STRN: variants seen among roughly 807,000 people sequenced by gnomAD.
STRN encodes protein phosphatase 2 regulatory subunit B'''alpha.
A neutral mutation model predicts 96.3 loss-of-function variants in STRN; 53 were observed. The observed-to-expected ratio is 0.55, with a 90% CI of 0.44 to 0.69. The LOEUF is 0.69. STRN is among the 30% of genes least tolerant of loss of function. STRN has a pLI of 0.00. For synonymous variants in STRN, 428 were observed against 355.9 expected (o/e 1.20, Z -2.28); for missense variants, 987 against 963.9 (o/e 1.02, Z -0.32).
At chr2:36,957,915 T>TA (rs1384586958) in intron 1 of STRN, among the ~76,000 whole-genome samples, 4 of 143,994 alleles carry the variant, frequency 2.8e-5, no homozygotes, top group African/African-American at 1.0e-4. Context: ...GACGCCCAGC[T>TA]AATTTTTTTT....
At chr2:36,916,041 CT>C in intron 3 of STRN, 36 bp downstream of exon 3, 1 of 1,555,888 alleles carries the variant, frequency 6.4e-7, no homozygotes, top group Non-Finnish European at 8.8e-7. Context: ...ACATTAACTT[CT>C]TTTTAACACT....
At chr2:36,896,412 A>G (rs1262622483) in intron 6 of STRN, among the ~76,000 whole-genome samples, 1 of 152,192 alleles carries the variant, frequency 6.6e-6, no homozygotes, top group Non-Finnish European at 1.5e-5. Context: ...AGAAAAATGA[A>G]TTGTGTTTAC....
At chr2:36,885,020 T>C (rs1192700860) in intron 8 of STRN, among the ~76,000 whole-genome samples, 1 of 152,136 alleles carries the variant, frequency 6.6e-6, no homozygotes, top group Admixed American at 6.5e-5. Context: ...GATGTTAAAA[T>C]TTCTCCCTTA....
intron 1 of STRN, among the ~76,000 whole-genome samples, chr2:36,961,036 AC>A (rs761150965): frequency 2.7e-5 from 4 of 149,864 alleles, no homozygotes; most frequent in Non-Finnish European, 4.4e-5. Context: ...AGCTGGGACC[AC>A]AGACGCATGC....
At chr2:36,938,837 CT>C (rs374848980) in intron 1 of STRN, among the ~76,000 whole-genome samples, 72 of 152,208 alleles carry the variant, frequency 4.7e-4, no homozygotes, top group African/African-American at 1.3e-3. Flanking sequence ...CTGAATGAAA[CT>C]TTAATTACAG....
intron 12 of STRN, among the ~76,000 whole-genome samples, chr2:36,863,620 G>A (rs980645082): frequency 6.6e-6 from 1 of 152,122 alleles, no homozygotes; most frequent in Non-Finnish European, 1.5e-5. Flanking sequence ...CTCCAGCTTT[G>A]TTCTTTTTGC....
In STRN at chr2:36,884,077, T is replaced by C; in HGVS notation, c.1043-2A>G. 1 of 1,286,144 alleles carries C rather than the reference T, an allele frequency of 7.8e-7. No individual in the cohort carries two copies. The highest frequency in any genetic ancestry group is 1.0e-6 in the Non-Finnish European group (1 of 1,002,624). The allele number at this position is 1,286,144 out of a possible 1,614,324, so 79.7% of individuals were successfully genotyped here. ...CTTGTAGTTTTGACCTATTGGGCCC[T>C]AGCCAAAAAAAGGGGGGGTGGGAGG... On this transcript the variant is annotated splice_acceptor_variant, in intron 8 of 17. Transcript: ENST00000263918. LOFTEE classifies it high-confidence loss of function.
At chr2:36,966,096 G>A in intron 1 of STRN, 134 bp downstream of exon 1, 1 of 1,051,808 alleles carries the variant, frequency 9.5e-7, no homozygotes, top group Middle Eastern at 3.3e-4. Context: ...AAGGGGACGG[G>A]GCTCCGGGTG....
intron 10 of STRN, among the ~76,000 whole-genome samples, chr2:36,871,964 G>A (rs1341824846): frequency 1.3e-5 from 2 of 152,202 alleles, no homozygotes; most frequent in African/African-American, 4.8e-5. Context: ...TGTAACTACT[G>A]GGGCTGGTTA....
At position 36,841,944 on chromosome 2, in the gene STRN, C is replaced by A. The variant is rs1667962929; in HGVS notation, c.*7512G>T. On this transcript the variant is annotated 3_prime_UTR_variant, in exon 18 of 18. Coordinates refer to ENST00000263918, the MANE Select transcript of STRN (RefSeq NM_003162.4). Reference sequence around the variant, plus strand: ...CAGGCCACAGGGTCAGTTGCTTCTCCTTTTTGGTAAGGTACTTCTTTCCCC... The same window carrying A: ...CAGGCCACAGGGTCAGTTGCTTCTCATTTTTGGTAAGGTACTTCTTTCCCC... 6.6e-6 allele frequency: 1 copy of A among 152,272 alleles called. No individual in the cohort carries two copies. The highest frequency in any genetic ancestry group is 1.5e-5 in the Non-Finnish European group (1 of 68,038). The allele number at this position is 152,272 out of a possible 1,614,324, so 9.4% of individuals were successfully genotyped here.
intron 8 of STRN, among the ~76,000 whole-genome samples, chr2:36,884,744 G>C (rs959046466): frequency 1.3e-5 from 2 of 151,958 alleles, no homozygotes; most frequent in Admixed American, 6.6e-5. Flanking sequence ...GGTATGATTG[G>C]AGTACAGGAT....
At chr2:36,953,476 C>T (rs1664808162) in intron 1 of STRN, among the ~76,000 whole-genome samples, 1 of 149,828 alleles carries the variant, frequency 6.7e-6, no homozygotes, top group Non-Finnish European at 1.5e-5. Context: ...AATCTCAGCT[C>T]ACTGCAAGCT....
chr2:36,861,180 G>C lies in STRN; in HGVS notation c.1621C>G (p.Gln541Glu). 2 of 1,613,898 alleles carry C rather than the reference G, an allele frequency of 1.2e-6. No homozygotes were observed. The highest frequency in any genetic ancestry group is 1.7e-6 in the Non-Finnish European group (2 of 1,179,942). Reference sequence around the variant, plus strand: ...TTGGGATTAGTGGTATTCCAGCCCTGGATCAGTCCATCAGTACCACCACTG... The same window carrying C: ...TTGGGATTAGTGGTATTCCAGCCCTCGATCAGTCCATCAGTACCACCACTG... ...CYSGGTDGLI[Q>E]GWNTTNPNID... The change falls in exon 13 of 18, where the codon CAG becomes GAG. Residue 541 changes from glutamine (Q) to glutamate (E), a missense_variant. Coordinates refer to ENST00000263918, the MANE Select transcript of STRN (RefSeq NM_003162.4).
In STRN at chr2:36,877,984, G is replaced by A; in HGVS notation, c.1230C>T (p.Ile410=). Residue 410 remains isoleucine, a synonymous_variant, in exon 10 of 18, where the codon ATC becomes ATT. Transcript: ENST00000263918. The stretch of plus-strand genomic sequence containing the variant: ...TTTCAAGGGCTTCATCTGCTCCCAT[G>A]ATGAATGACTTTCCAGAAGAAGGAG... ...TFPPSSGKSF[I]MGADEALESE... is the part of the protein sequence containing the mutation. 1 of 1,614,136 alleles carries A rather than the reference G, an allele frequency of 6.2e-7. No homozygotes were observed. Among genetic ancestry groups the A allele is most frequent in the Non-Finnish European group, 8.5e-7 (1 of 1,180,006 alleles).
chr2:36,941,930 TGTG>T (rs1670855476), intron 1 of STRN, among the ~76,000 whole-genome samples: 1 of 152,112 alleles, frequency 6.6e-6, no homozygotes, highest in African/African-American at 2.4e-5. Flanking sequence ...ACTTAACCAT[TGTG>T]GTAGATGTTG....
chr2:36,872,300 G>A (rs1222920059), intron 10 of STRN, among the ~76,000 whole-genome samples: 1 of 152,174 alleles, frequency 6.6e-6, no homozygotes, highest in Admixed American at 6.5e-5. Context: ...CCCATGGAGA[G>A]ACCTATGTGG....
intron 2 of STRN, among the ~76,000 whole-genome samples, chr2:36,918,293 T>G (rs1298767962): frequency 1.3e-5 from 2 of 152,164 alleles, no homozygotes; most frequent in Non-Finnish European, 2.9e-5. Flanking sequence ...TAAATGTAAC[T>G]GTCAATCTCT....
chr2:36,905,271 T>C (rs562117673), intron 4 of STRN, among the ~76,000 whole-genome samples: 8 of 152,180 alleles, frequency 5.3e-5, no homozygotes, highest in Non-Finnish European at 8.8e-5. Context: ...GCCTGGCCAA[T>C]TGCACATATA....
intron 1 of STRN, among the ~76,000 whole-genome samples, chr2:36,950,629 C>T (rs1397340824): frequency 6.6e-6 from 1 of 152,160 alleles, no homozygotes; most frequent in Non-Finnish European, 1.5e-5. Context: ...ACCATATCTG[C>T]CTCTTCTCCA....
Sources: gnomAD v4.1 joint callset for allele counts (sites outside exome capture counted in the v4.1 genomes callset) on GRCh38, gnomAD v4.1.1 for gene constraint, MANE v1.5 for transcripts, NCBI Gene and HGNC (gene_info 2026-07-23, HGNC 2026-07-21) for gene names.